Variants in TFG observed in about 807,000 individuals in gnomAD.
The protein encoded by TFG is protein TFG.
In TFG, 22 loss-of-function variants were observed where a neutral mutation model predicts 51.4. That is an observed-to-expected ratio of 0.43 (90% CI 0.31 to 0.61). The LOEUF is 0.61. Among genes scored for constraint, TFG ranks in the 20% least tolerant of loss-of-function variants. The pLI is 0.12. For missense variants in TFG, 419 were observed against 487.7 expected (o/e 0.86, Z 1.33); for synonymous variants, 187 against 165.6 (o/e 1.13, Z -0.99).
chr3:100,719,599 A>G (rs976253776), intron 2 of TFG, among the ~76,000 whole-genome samples: 2 of 152,172 alleles, frequency 1.3e-5, no homozygotes, highest in Non-Finnish European at 2.9e-5. Context: ...AAACTTTTTT[A>G]TTTCTTGGTA....
intron 6 of TFG, 109 bp downstream of exon 6, chr3:100,736,825 A>G: frequency 1.6e-6 from 2 of 1,227,360 alleles, no homozygotes; most frequent in Non-Finnish European, 2.2e-6. Context: ...AACACAGGAA[A>G]AATTTTGATT....
At chr3:100,735,345 T>C (rs1177348334) in intron 5 of TFG, among the ~76,000 whole-genome samples, 1 of 152,234 alleles carries the variant, frequency 6.6e-6, no homozygotes, top group Non-Finnish European at 1.5e-5. Context: ...ATTAGTCTGC[T>C]GATAATAGCA....
At chr3:100,716,492 C>A (rs1255104459) in intron 2 of TFG, among the ~76,000 whole-genome samples, 1 of 152,126 alleles carries the variant, frequency 6.6e-6, no homozygotes, top group Non-Finnish European at 1.5e-5. Context: ...AATAGTGCTG[C>A]AGTAAAATGT....
At chr3:100,725,198 G>C (rs1360529087) in intron 3 of TFG, among the ~76,000 whole-genome samples, 1 of 152,032 alleles carries the variant, frequency 6.6e-6, no homozygotes, top group Non-Finnish European at 1.5e-5. Flanking sequence ...GAGCCACCAC[G>C]CCTGGCCAAA....
intron 4 of TFG, among the ~76,000 whole-genome samples, chr3:100,732,243 C>G (rs777782723): frequency 1.3e-4 from 19 of 151,852 alleles, no homozygotes; most frequent in Non-Finnish European, 2.1e-4. Context: ...TTTTTTTCAT[C>G]TAATGTTTCT....
chr3:100,709,818 TG>T (rs1258081871), intron 1 of TFG, 97 bp downstream of exon 1: 2 of 138,964 alleles, frequency 1.4e-5, no homozygotes, highest in Non-Finnish European at 3.1e-5. Context: ...GCGCGGCAGC[TG>T]GGGTCGGAGG....
intron 6 of TFG, among the ~76,000 whole-genome samples, chr3:100,737,152 T>C (rs2095108867): frequency 6.6e-6 from 1 of 152,236 alleles, no homozygotes; most frequent in African/African-American, 2.4e-5. Flanking sequence ...GTTTTTTTTG[T>C]TAAGATTAGT....
chr3:100,739,077 G>A (rs550694478), intron 6 of TFG, among the ~76,000 whole-genome samples: 3 of 152,088 alleles, frequency 2.0e-5, no homozygotes, highest in East Asian at 1.9e-4. Context: ...AAATATAGTC[G>A]TTATTTATAG....
At chr3:100,731,729 G>A (rs2095092164) in intron 4 of TFG, among the ~76,000 whole-genome samples, 1 of 151,896 alleles carries the variant, frequency 6.6e-6, no homozygotes, top group African/African-American at 2.4e-5. Flanking sequence ...GCTAATTTTT[G>A]TATTTTTGGT....
chr3:100,746,480 C>T (rs1362060317), intron 7 of TFG, among the ~76,000 whole-genome samples: 5 of 152,058 alleles, frequency 3.3e-5, no homozygotes, highest in African/African-American at 1.2e-4. Flanking sequence ...GGCAGACTTA[C>T]TCCATAAAAG....
chr3:100,714,667 G>T (rs940757436), intron 2 of TFG, among the ~76,000 whole-genome samples: 1 of 152,046 alleles, frequency 6.6e-6, no homozygotes, highest in Non-Finnish European at 1.5e-5. Context: ...GAAATGAAAG[G>T]TTTTAGTATG....
chr3:100,728,136 G>A (rs2095080990), intron 3 of TFG, among the ~76,000 whole-genome samples: 1 of 151,914 alleles, frequency 6.6e-6, no homozygotes, highest in African/African-American at 2.4e-5. Context: ...GCCTGGCCCT[G>A]CATATATTTT....
intron 7 of TFG, among the ~76,000 whole-genome samples, chr3:100,746,443 C>T (rs1464589735): frequency 6.6e-6 from 1 of 152,098 alleles, no homozygotes; most frequent in Non-Finnish European, 1.5e-5. Flanking sequence ...CTGTATCATT[C>T]TGCATTCTAC....
intron 4 of TFG, among the ~76,000 whole-genome samples, chr3:100,729,582 CTTA>C (rs71625567): frequency 0.41 from 62,427 of 151,406 alleles, 13,227 homozygotes; most frequent in African/African-American, 0.49. Context: ...AAAGAAAACT[CTTA>C]TTATTATTTT....
chr3:100,723,426 A>G (rs1277363741), intron 3 of TFG, among the ~76,000 whole-genome samples: 2 of 152,154 alleles, frequency 1.3e-5, no homozygotes, highest in Non-Finnish European at 2.9e-5. Context: ...ATCACAGTAC[A>G]CAGAAATTGA....
chr3:100,709,504 C>G lies in TFG; in HGVS notation c.-261C>G, dbSNP rs1056816758. 1.3e-5 allele frequency: 2 copies of G among 152,418 alleles called. No individual in the cohort carries two copies. The highest frequency in any genetic ancestry group is 2.9e-5 in the Non-Finnish European group (2 of 68,284). 9.4% of individuals were successfully genotyped at this position (152,418 alleles called of 1,614,324 possible). ...CTTGCTCCCGCCTCTGTTCTTCCCCCACCTGCCACGTACAGAGCCCAAGTT... is the reference window on the plus strand; with the variant it reads ...CTTGCTCCCGCCTCTGTTCTTCCCCGACCTGCCACGTACAGAGCCCAAGTT... On this transcript the variant is annotated 5_prime_UTR_variant, in exon 1 of 8. Coordinates refer to ENST00000240851, the MANE Select transcript of TFG (RefSeq NM_006070.6).
At chr3:100,732,693 T>A in intron 5 of TFG, 21 bp downstream of exon 5, 3 of 1,569,008 alleles carry the variant, frequency 1.9e-6, no homozygotes, top group Non-Finnish European at 2.6e-6. Context: ...TTCCAACTCC[T>A]TTACACCCTT....
At chr3:100,715,968 A>G (rs569609872) in intron 2 of TFG, among the ~76,000 whole-genome samples, 1 of 152,010 alleles carries the variant, frequency 6.6e-6, no homozygotes, top group East Asian at 1.9e-4. Context: ...ATAATTGTAC[A>G]TATTTATGGG....
intron 4 of TFG, among the ~76,000 whole-genome samples, chr3:100,730,655 C>T (rs780514051): frequency 1.3e-5 from 2 of 152,106 alleles, no homozygotes; most frequent in Non-Finnish European, 2.9e-5. Context: ...CTGTGGCTTA[C>T]CCTCACCAAG....
Sources: gnomAD v4.1 joint callset for allele counts (sites outside exome capture counted in the v4.1 genomes callset) on GRCh38, gnomAD v4.1.1 for gene constraint, MANE v1.5 for transcripts, NCBI Gene and HGNC (gene_info 2026-07-23, HGNC 2026-07-21) for gene names.